The following RAP1GAP2 variants were observed in gnomAD, a reference collection of about 807,000 sequenced individuals.
The protein encoded by RAP1GAP2 is rap1 GTPase-activating protein 2.
A neutral mutation model predicts 95.0 loss-of-function variants in RAP1GAP2; 27 were observed. The ratio of observed to expected loss-of-function variants is 0.28; its 90% confidence interval spans 0.21 to 0.39. RAP1GAP2 has a LOEUF of 0.39. Ranked by LOEUF, RAP1GAP2 falls within the 10% of genes least tolerant of loss-of-function variation. RAP1GAP2 has a pLI of 1.00. For synonymous variants in RAP1GAP2, 373 were observed against 380.9 expected, an observed-to-expected ratio of 0.98 and a Z score of 0.24; for missense variants, 771 against 970.0, an observed-to-expected ratio of 0.79 and a Z score of 2.72.
At chr17:2,774,245 G>C (rs1240663246), upstream of RAP1GAP2, among the ~76,000 whole-genome samples, 2 of 152,160 alleles carry the variant, frequency 1.3e-5, no homozygotes, top group African/African-American at 4.8e-5. Context: ...GGCTGCAAGA[G>C]CTCAGGGCAG....
At chr17:2,995,650 G>C (rs908230558) in intron 13 of RAP1GAP2, among the ~76,000 whole-genome samples, 184 bp downstream of exon 13, 4 of 152,220 alleles carry the variant, frequency 2.6e-5, no homozygotes, top group African/African-American at 9.6e-5. Context: ...TGCCTCAGCG[G>C]TCCGTTCTGT....
In RAP1GAP2 at chr17:2,937,710, A is replaced by G. The variant is rs371740064; in HGVS notation, c.166-20049A>G. ...GTCAGAATTTTGAGTTGGAAGGAAC[A>G]TTGCCAGGCCTCTCTGCAGCTAGGG... On this transcript the variant is annotated intron_variant, in intron 3 of 24. Transcript: ENST00000254695. Among the ~76,000 whole-genome samples the G allele has an allele frequency of 2.4e-4, 36 of 152,306 alleles. 2 individuals are homozygous for G. The South Asian group carries it at 7.0e-3, about 30-fold the overall frequency.
At chr17:3,001,998 T>C (rs907369339) in intron 14 of RAP1GAP2, among the ~76,000 whole-genome samples, 1 of 149,776 alleles carries the variant, frequency 6.7e-6, no homozygotes, top group African/African-American at 2.5e-5. Flanking sequence ...ACAGTCTCGC[T>C]GTCACCCAGG....
At chr17:2,833,423 C>T (rs113982269) in intron 2 of RAP1GAP2, among the ~76,000 whole-genome samples, 22,674 of 151,924 alleles carry the variant, frequency 0.15, 1,881 homozygotes, top group Middle Eastern at 0.19. Flanking sequence ...AGGGGTGAGC[C>T]ACCGCGCCTG....
rs536493679 is a variant in RAP1GAP2, at chr17:2,780,835, A to G, written c.-14+3557A>G. ...GCTCCCCTTTTAAAGCGGGCATCTC[A>G]TGGATGATACTCTTCTTGTCCACAC... On this transcript the variant is annotated intron_variant, in intron 1 of 24. Transcript: ENST00000540393. 2.5e-4 allele frequency among the ~76,000 whole-genome samples: 38 copies of G among 152,310 alleles called. No homozygotes were observed. The South Asian group carries it at 4.8e-3, about 19-fold the overall frequency.
intron 2 of RAP1GAP2, among the ~76,000 whole-genome samples, chr17:2,830,583 G>A (rs568726278): frequency 2.0e-4 from 30 of 151,892 alleles, no homozygotes; most frequent in African/African-American, 6.5e-4. Flanking sequence ...GCGTGGTGGC[G>A]GGCGCCTGTA....
intron 2 of RAP1GAP2, among the ~76,000 whole-genome samples, chr17:2,812,782 A>G (rs1168951331): frequency 6.6e-6 from 1 of 151,906 alleles, no homozygotes; most frequent in African/African-American, 2.4e-5. Context: ...CTGAGGTCAG[A>G]AGTTCGAGAC....
chr17:2,975,845 T>A (rs1050567904), intron 8 of RAP1GAP2, among the ~76,000 whole-genome samples: 2 of 152,232 alleles, frequency 1.3e-5, no homozygotes, highest in African/African-American at 4.8e-5. Context: ...TGCTCCCACG[T>A]GGTGGAGTGA....
chr17:2,810,729 C>T (rs1041532910), intron 2 of RAP1GAP2, among the ~76,000 whole-genome samples: 7 of 151,988 alleles, frequency 4.6e-5, no homozygotes, highest in Admixed American at 1.3e-4. Context: ...TGGGGTTTCA[C>T]CACGTTGGTC....
At chr17:2,995,799 G>GGGGCAGAGCCCA (rs548575516) in intron 13 of RAP1GAP2, among the ~76,000 whole-genome samples, 2 of 152,124 alleles carry the variant, frequency 1.3e-5, no homozygotes, top group East Asian at 3.9e-4. Context: ...CCGTTTATCA[G>GGGGCAGAGCCCA]GGGCAGAGCC....
intron 14 of RAP1GAP2, among the ~76,000 whole-genome samples, chr17:2,998,868 G>A (rs1000634015): frequency 1.3e-5 from 2 of 152,172 alleles, no homozygotes; most frequent in Admixed American, 6.5e-5. Flanking sequence ...GGCAGAGCTG[G>A]AATAAAGAAA....
chr17:2,832,518 A>C (rs1167667992), intron 2 of RAP1GAP2, among the ~76,000 whole-genome samples: 7 of 145,752 alleles, frequency 4.8e-5, no homozygotes, highest in Admixed American at 2.8e-4. Flanking sequence ...AGATCGCGCC[A>C]CTGCACTCCA....
intron 3 of RAP1GAP2, among the ~76,000 whole-genome samples, chr17:2,925,450 A>T (rs1055080673): frequency 6.6e-6 from 1 of 152,134 alleles, no homozygotes; most frequent in African/African-American, 2.4e-5. Context: ...GCGAAGGAGG[A>T]GCTTCCAAAC....
intron 14 of RAP1GAP2, among the ~76,000 whole-genome samples, chr17:3,002,510 T>A (rs769338886): frequency 6.6e-6 from 1 of 152,208 alleles, no homozygotes; most frequent in Non-Finnish European, 1.5e-5. Context: ...ATTAGCAGAC[T>A]GCGAGGAGGA....
chr17:2,933,906 T>G (rs1393663582), intron 3 of RAP1GAP2, among the ~76,000 whole-genome samples: 1 of 152,244 alleles, frequency 6.6e-6, no homozygotes, highest in Non-Finnish European at 1.5e-5. Context: ...GTCTGTGGCG[T>G]AGGAACCTTA....
intron 4 of RAP1GAP2, among the ~76,000 whole-genome samples, chr17:2,960,586 G>A (rs969900382): frequency 6.6e-6 from 1 of 152,174 alleles, no homozygotes; most frequent in Non-Finnish European, 1.5e-5. Context: ...TTGGTGAGCC[G>A]GTGACCCGGC....
Position 2,998,388 on chromosome 17 carries a change from G to A in RAP1GAP2, c.1200+12G>A, listed in dbSNP as rs2151586312. 2 of 1,612,912 alleles carry A rather than the reference G, an allele frequency of 1.2e-6. No individual in the cohort carries two copies. The highest frequency in any genetic ancestry group is 1.3e-5 in the African/African-American group (1 of 75,046). On this transcript the variant is annotated intron_variant, in intron 14 of 24. Transcript: ENST00000254695. ...CCCCATCCTACAAGGTAAGGAGAACGCCTTGTTGGAGGGAGTGGTGGGCCT... is the reference window on the plus strand; with the variant it reads ...CCCCATCCTACAAGGTAAGGAGAACACCTTGTTGGAGGGAGTGGTGGGCCT...
intron 3 of RAP1GAP2, among the ~76,000 whole-genome samples, chr17:2,933,088 A>G (rs1039838242): frequency 1.3e-5 from 2 of 152,220 alleles, no homozygotes; most frequent in African/African-American, 4.8e-5. Flanking sequence ...TCCCTCCTCC[A>G]TGAGCCAGCC....
intron 8 of RAP1GAP2, among the ~76,000 whole-genome samples, chr17:2,977,578 C>G (rs141278081): frequency 2.8e-4 from 43 of 151,966 alleles, no homozygotes; most frequent in Admixed American, 2.8e-3. Flanking sequence ...AACCTCGTCT[C>G]TACTAAAAAT....
Sources: gnomAD v4.1 joint callset for allele counts (sites outside exome capture counted in the v4.1 genomes callset) on GRCh38, gnomAD v4.1.1 for gene constraint, MANE v1.5 for transcripts, NCBI Gene and HGNC (gene_info 2026-07-23, HGNC 2026-07-21) for gene names.